HNF4G: variants seen among roughly 807,000 people sequenced by gnomAD.
HNF4G encodes the protein hepatocyte nuclear factor 4-gamma.
Under a neutral mutation model 50.9 loss-of-function variants are expected in HNF4G, and 21 were observed. The ratio of observed to expected loss-of-function variants is 0.41; its 90% CI spans 0.29 to 0.59. The LOEUF (loss-of-function observed/expected upper bound fraction) is 0.59. HNF4G is among the 20% of genes least tolerant of loss of function. The pLI, the probability that HNF4G is intolerant of heterozygous loss-of-function variation, is 0.26. For missense variants in HNF4G, 527 were observed against 559.4 expected, an observed-to-expected ratio of 0.94 and a Z score of 0.58; for synonymous variants, 198 against 185.6, an observed-to-expected ratio of 1.07 and a Z score of -0.54.
At chr8:75,427,207 A>G (rs927937173) in intron 1 of HNF4G, among the ~76,000 whole-genome samples, 10 of 152,178 alleles carry the variant, frequency 6.6e-5, no homozygotes, top group Non-Finnish European at 1.3e-4. Context: ...CCTTGTGAGT[A>G]TCAGTGAGTA....
At chr8:75,437,396 G>C (rs1811163850) in intron 1 of HNF4G, among the ~76,000 whole-genome samples, 1 of 152,170 alleles carries the variant, frequency 6.6e-6, no homozygotes, top group African/African-American at 2.4e-5. Context: ...TAGGCAAAGT[G>C]AATCTTTCTA....
chr8:75,544,704 A>G (rs963512104), intron 2 of HNF4G, among the ~76,000 whole-genome samples: 2 of 151,882 alleles, frequency 1.3e-5, no homozygotes, highest in South Asian at 2.1e-4. Flanking sequence ...TTAAGTATAC[A>G]TATTGCATCT....
At chr8:75,419,304 A>G (rs1363952533) in intron 1 of HNF4G, among the ~76,000 whole-genome samples, 1 of 152,212 alleles carries the variant, frequency 6.6e-6, no homozygotes, top group African/African-American at 2.4e-5. Flanking sequence ...TGCTCGGTTC[A>G]GGTCCTCATA....
At chr8:75,486,678 G>C (rs1213316490) in intron 1 of HNF4G, among the ~76,000 whole-genome samples, 4 of 152,122 alleles carry the variant, frequency 2.6e-5, no homozygotes, top group Non-Finnish European at 4.4e-5. Flanking sequence ...GTTTATAGTT[G>C]ATTTTGGAAT....
intron 1 of HNF4G, among the ~76,000 whole-genome samples, chr8:75,451,979 C>T (rs1811597056): frequency 6.6e-6 from 1 of 152,118 alleles, no homozygotes; most frequent in Non-Finnish European, 1.5e-5. Context: ...ACCTAAGTAG[C>T]AAACATTACT....
chr8:75,408,902 T>C (rs936391223), intron 1 of HNF4G, among the ~76,000 whole-genome samples: 1 of 152,254 alleles, frequency 6.6e-6, no homozygotes, highest in Non-Finnish European at 1.5e-5. Flanking sequence ...TTTGTTTTTG[T>C]TAGTTTCTTC....
chr8:75,555,641 T>TA (rs1299912422), intron 5 of HNF4G, among the ~76,000 whole-genome samples: 3 of 152,078 alleles, frequency 2.0e-5, no homozygotes, highest in Admixed American at 6.6e-5. Context: ...CTGGTTAACT[T>TA]ACACAAGGTT....
rs372540667 is a variant in HNF4G at position 75,416,081 on chromosome 8, A to G, written c.-144+7919A>G. Among the ~76,000 whole-genome samples, 191 of 152,358 alleles carry G rather than the reference A, an allele frequency of 1.3e-3. 3 individuals are homozygous for G. The Middle Eastern group carries it at 0.017, about 14-fold the overall frequency. ...ATTTGTAACCTGACCCTAGATAAAT[A>G]AAGTAAAATGATATGTTAGTTAATT... On this transcript the variant is annotated intron_variant, in intron 1 of 10. Coordinates refer to the HNF4G transcript ENST00000354370.
intron 2 of HNF4G, among the ~76,000 whole-genome samples, chr8:75,522,898 T>C (rs1806083803): frequency 6.6e-6 from 1 of 152,128 alleles, no homozygotes; most frequent in African/African-American, 2.4e-5. Context: ...GACAAAGAGA[T>C]GGCATCAAAG....
intron 1 of HNF4G, 145 bp from the exon 2 acceptor site, chr8:75,543,666 C>A: frequency 1.7e-6 from 1 of 589,452 alleles, no homozygotes; most frequent in Non-Finnish European, 2.8e-6. Context: ...CGGAAGCAGC[C>A]AGCCAGGGGT....
At chr8:75,535,744 T>C (rs1806447637), upstream of HNF4G, among the ~76,000 whole-genome samples, 1 of 151,912 alleles carries the variant, frequency 6.6e-6, no homozygotes, top group Admixed American at 6.6e-5. Flanking sequence ...GAAATAACCC[T>C]TATTTTATTA....
chr8:75,423,335 CTTTTTTTTT>C lies in HNF4G; in HGVS notation c.-144+15187_-144+15195del, dbSNP rs34511777. On this transcript the variant is annotated intron_variant, in intron 1 of 10. Coordinates refer to the HNF4G transcript ENST00000354370. ...CAGTATATTTATGACTTTTCTTTAT[CTTTTTTTTT>C]TTTTTTTTTTTTTGAGATGGAGTCT... Among the ~76,000 whole-genome samples, 7 of 94,612 alleles carry C rather than the reference CTTTTTTTTT, an allele frequency of 7.4e-5. No individual in the cohort carries two copies. The South Asian group carries it at 1.2e-3, about 17-fold the overall frequency. 62.1% of individuals were successfully genotyped at this position (94,612 alleles called of 152,430 possible). A position where few individuals can be genotyped will look rare whatever the true frequency, so the allele number is the denominator to read the frequency against.
At chr8:75,410,440 TA>T (rs1165839158) in intron 1 of HNF4G, among the ~76,000 whole-genome samples, 2 of 152,204 alleles carry the variant, frequency 1.3e-5, no homozygotes, top group Non-Finnish European at 2.9e-5. Context: ...AATTTTTCTT[TA>T]AAAATATAAT....
chr8:75,450,491 T>C (rs1811558893), intron 1 of HNF4G, among the ~76,000 whole-genome samples: 1 of 152,212 alleles, frequency 6.6e-6, no homozygotes, highest in Non-Finnish European at 1.5e-5. Context: ...GTTCTATTTT[T>C]AATTTTTTGA....
intron 1 of HNF4G, among the ~76,000 whole-genome samples, chr8:75,474,173 GA>G: frequency 1.3e-5 from 2 of 152,288 alleles, no homozygotes; most frequent in Non-Finnish European, 2.9e-5. Context: ...GAGGGGATGG[GA>G]GGGATACTGG....
rs138950955 is a variant in HNF4G at position 75,505,270 on chromosome 8, T to C, written c.-24+15062T>C. Among the ~76,000 whole-genome samples the C allele has an allele frequency of 2.4e-4, 36 of 152,268 alleles. No individual in the cohort carries two copies. The East Asian group carries it at 6.6e-3, about 28-fold the overall frequency. The stretch of plus-strand genomic sequence containing the variant: ...CAAGTCACTTAACTTCTTTGTCTCC[T>C]CAACCACAAAATGAAATGTTAGTCT... On this transcript the variant is annotated intron_variant, in intron 2 of 10. Coordinates refer to the HNF4G transcript ENST00000354370.
In HNF4G at chr8:75,416,421, T is replaced by C. The variant is rs944508459; in HGVS notation, c.-144+8259T>C. The stretch of plus-strand genomic sequence containing the variant: ...CTTGGAAGCTTTGAAATGTCCTGAT[T>C]TGCTGTGTTTTCAAAATTTTCACCC... On this transcript the variant is annotated intron_variant, in intron 1 of 10. Transcript: ENST00000354370. 1.8e-4 allele frequency among the ~76,000 whole-genome samples: 27 copies of C among 152,322 alleles called. 1 individual carries two copies. Among genetic ancestry groups the C allele is most frequent in the Admixed American group, 1.8e-3 (27 of 15,300 alleles).
chr8:75,546,157 A>C (rs541876434), intron 2 of HNF4G, among the ~76,000 whole-genome samples: 1 of 152,280 alleles, frequency 6.6e-6, no homozygotes, highest in African/African-American at 2.4e-5. Context: ...ATATGTATGG[A>C]TAATTTTTGC....
At chr8:75,537,526 G>T (rs190614891), upstream of HNF4G, among the ~76,000 whole-genome samples, 1 of 152,018 alleles carries the variant, frequency 6.6e-6, no homozygotes. Flanking sequence ...GATTACAGGC[G>T]TGAGCTACCG....
Sources: allele counts gnomAD v4.1 joint callset (sites outside exome capture counted in the v4.1 genomes callset), GRCh38; gene constraint gnomAD v4.1.1; transcripts MANE v1.5; gene names NCBI Gene and HGNC (gene_info 2026-07-23, HGNC 2026-07-21).